Variants in UTRN observed in about 807,000 individuals in gnomAD.
UTRN encodes the protein dystrophin-related protein 1.
Under a neutral mutation model 463.9 loss-of-function variants are expected in UTRN, and 283 were observed. That is an observed-to-expected ratio of 0.61 (90% CI 0.55 to 0.67). The LOEUF is 0.67. Ranked by LOEUF, UTRN falls within the 30% of genes least tolerant of loss-of-function variation. UTRN has a pLI of 0.00. For missense variants in UTRN, 3,922 were observed against 4,084.3 expected, an observed-to-expected ratio of 0.96 and a Z score of 1.08; for synonymous variants, 1,442 against 1,431.5, an observed-to-expected ratio of 1.01 and a Z score of -0.17.
At chr6:144,704,807 C>T (rs1784924009) in intron 53 of UTRN, among the ~76,000 whole-genome samples, 1 of 151,918 alleles carries the variant, frequency 6.6e-6, no homozygotes, top group Admixed American at 6.6e-5. Flanking sequence ...ACTAAAAATA[C>T]AAAAATTAGC....
intron 52 of UTRN, among the ~76,000 whole-genome samples, chr6:144,687,728 G>A (rs184556754): frequency 3.3e-5 from 5 of 152,152 alleles, no homozygotes; most frequent in East Asian, 1.9e-4. Flanking sequence ...CTGTTCATTC[G>A]ATAAGTTTTT....
At position 144,748,228 on chromosome 6, in the gene UTRN, T is replaced by TC. The variant is rs1790974429; in HGVS notation, c.7940-17dup. The stretch of plus-strand genomic sequence containing the variant: ...AATCAGACATCCAAATTATTCTTTT[T>TC]CTTTTTTTTAATCACAGAATTAACT... On this transcript the variant is annotated splice_polypyrimidine_tract_variant and intron_variant, in intron 54 of 74. Transcript: ENST00000367545. 3.8e-6 allele frequency: 6 copies of TC among 1,585,064 alleles called. No individual in the cohort carries two copies. Among genetic ancestry groups the TC allele is most frequent in the Non-Finnish European group, 5.1e-6 (6 of 1,171,490 alleles).
intron 54 of UTRN, among the ~76,000 whole-genome samples, chr6:144,732,093 G>A (rs966520099): frequency 2.6e-5 from 4 of 151,368 alleles, no homozygotes; most frequent in African/African-American, 7.3e-5. Flanking sequence ...AACTCTTGGC[G>A]TCAGGTGATC....
chr6:144,459,486 T>A, intron 21 of UTRN, 132 bp downstream of exon 21: 1 of 996,766 alleles, frequency 1.0e-6, no homozygotes. Context: ...CCTGTATTGT[T>A]CAAAGTCTTA....
intron 51 of UTRN, among the ~76,000 whole-genome samples, chr6:144,618,101 G>A (rs1180116916): frequency 1.3e-5 from 2 of 152,126 alleles, no homozygotes; most frequent in African/African-American, 4.8e-5. Flanking sequence ...AATTCAGATG[G>A]ATCTTTTTTG....
chr6:144,302,581 T>C (rs1805383386), intron 2 of UTRN, among the ~76,000 whole-genome samples: 1 of 152,150 alleles, frequency 6.6e-6, no homozygotes, highest in African/African-American at 2.4e-5. Flanking sequence ...CCTCATTCAT[T>C]CAGCAAATGG....
At chr6:144,724,777 A>C (rs988303077) in intron 53 of UTRN, among the ~76,000 whole-genome samples, 5 of 152,110 alleles carry the variant, frequency 3.3e-5, no homozygotes, top group African/African-American at 1.2e-4. Flanking sequence ...ATTCATTTTT[A>C]TTACTGAATA....
At chr6:144,319,510 G>T (rs1775495010) in intron 2 of UTRN, among the ~76,000 whole-genome samples, 1 of 152,192 alleles carries the variant, frequency 6.6e-6, no homozygotes, top group South Asian at 2.1e-4. Flanking sequence ...TTTTCTGGTA[G>T]AATCTTATAT....
At chr6:144,308,138 T>G (rs891078208) in intron 2 of UTRN, among the ~76,000 whole-genome samples, 1 of 152,216 alleles carries the variant, frequency 6.6e-6, no homozygotes, top group African/African-American at 2.4e-5. Context: ...CATTTCTCAG[T>G]GAGTTTAGCT....
chr6:144,597,373 A>C lies in UTRN; in HGVS notation c.7479+20085A>C, dbSNP rs1338261056. ...TTTTTTCCTTTTGCAAAAGCTAGGCATGCCTACTATAAAAGTTTGCAACTT... is the reference window on the plus strand; with the variant it reads ...TTTTTTCCTTTTGCAAAAGCTAGGCCTGCCTACTATAAAAGTTTGCAACTT... On this transcript the variant is annotated intron_variant, in intron 51 of 74. Transcript: ENST00000367545. Among the ~76,000 whole-genome samples, 3 of 152,222 alleles carry C rather than the reference A, an allele frequency of 2.0e-5. 1 individual carries two copies. The highest frequency in any genetic ancestry group is 7.2e-5 in the African/African-American group (3 of 41,472).
chr6:144,771,607 G>A (rs550487788), intron 58 of UTRN, among the ~76,000 whole-genome samples: 2 of 151,794 alleles, frequency 1.3e-5, no homozygotes, highest in Non-Finnish European at 2.9e-5. Context: ...TGTATTTTTA[G>A]TAGCGATGGG....
intron 46 of UTRN, among the ~76,000 whole-genome samples, chr6:144,543,322 T>C (rs943535356): frequency 5.3e-5 from 8 of 152,328 alleles, no homozygotes; most frequent in African/African-American, 1.9e-4. Flanking sequence ...GGATGGATAT[T>C]TAGAAGCATT....
intron 65 of UTRN, among the ~76,000 whole-genome samples, chr6:144,804,553 G>A (rs1777977101): frequency 6.6e-6 from 1 of 152,156 alleles, no homozygotes; most frequent in Non-Finnish European, 1.5e-5. Context: ...GTTTTCAGAA[G>A]GGAATAGACT....
intron 1 of UTRN, among the ~76,000 whole-genome samples, chr6:144,288,564 A>G (rs2502637): frequency 0.094 from 14,027 of 149,696 alleles, 717 homozygotes; most frequent in African/African-American, 0.12. Context: ...ATTCTTGAAT[A>G]TAATAAAATA....
intron 6 of UTRN, among the ~76,000 whole-genome samples, chr6:144,425,290 G>A (rs1304976108): frequency 6.6e-6 from 1 of 152,142 alleles, no homozygotes; most frequent in Non-Finnish European, 1.5e-5. Context: ...TCTTCTTAGT[G>A]CATCATATCG....
chr6:144,510,242 G>T (rs1376339604), intron 34 of UTRN, among the ~76,000 whole-genome samples: 1 of 152,140 alleles, frequency 6.6e-6, no homozygotes, highest in Admixed American at 6.6e-5. Flanking sequence ...TTTTAATTGT[G>T]GAACTCATGC....
chr6:144,585,145 C>G (rs953528143), intron 51 of UTRN, among the ~76,000 whole-genome samples: 7 of 152,098 alleles, frequency 4.6e-5, no homozygotes, highest in Non-Finnish European at 5.9e-5. Flanking sequence ...TTTGCTAATT[C>G]TACCGCAAAT....
At chr6:144,581,654 G>A (rs1289120403) in intron 51 of UTRN, among the ~76,000 whole-genome samples, 1 of 152,082 alleles carries the variant, frequency 6.6e-6, no homozygotes, top group Non-Finnish European at 1.5e-5. Flanking sequence ...TCTAGGACAG[G>A]AATTATAGCT....
chr6:144,634,100 C>T (rs914491492), intron 51 of UTRN, among the ~76,000 whole-genome samples: 37 of 152,310 alleles, frequency 2.4e-4, no homozygotes, highest in African/African-American at 8.4e-4. Flanking sequence ...GCATAGTGTC[C>T]GAGCCGGTGC....
Sources: gnomAD v4.1 joint callset for allele counts (sites outside exome capture counted in the v4.1 genomes callset) on GRCh38, gnomAD v4.1.1 for gene constraint, MANE v1.5 for transcripts, NCBI Gene and HGNC (gene_info 2026-07-23, HGNC 2026-07-21) for gene names.